The following PPM1L variants were observed in gnomAD, a reference collection of about 807,000 sequenced individuals.
PPM1L encodes protein phosphatase, Mg2+/Mn2+ dependent 1L.
Under a neutral mutation model 31.4 loss-of-function variants are expected in PPM1L, and 13 were observed. The ratio of observed to expected loss-of-function variants is 0.41; its 90% CI spans 0.27 to 0.66. The LOEUF is 0.66. PPM1L is among the 30% of genes least tolerant of loss of function. The probability of loss-of-function intolerance (pLI) is 0.29; values close to 1 mark genes in which losing one functional copy is unlikely to be tolerated. For missense variants in PPM1L, 326 were observed against 453.7 expected (o/e 0.72, Z 2.56); for synonymous variants, 184 against 175.4 (o/e 1.05, Z -0.39).
At chr3:161,018,524 A>T (rs1392546017) in intron 2 of PPM1L, among the ~76,000 whole-genome samples, 1 of 152,176 alleles carries the variant, frequency 6.6e-6, no homozygotes, top group African/African-American at 2.4e-5. Context: ...GATGATAAAG[A>T]TCATTTAATT....
intron 2 of PPM1L, among the ~76,000 whole-genome samples, chr3:161,038,770 C>T (rs1718827484): frequency 6.6e-6 from 1 of 152,040 alleles, no homozygotes. Context: ...GGCATGTGAA[C>T]CAGAGCAACT....
chr3:161,025,079 G>A (rs374160199), intron 2 of PPM1L, among the ~76,000 whole-genome samples: 60 of 152,174 alleles, frequency 3.9e-4, no homozygotes, highest in African/African-American at 1.3e-3. Flanking sequence ...TCATAGTTTC[G>A]TGGAAGAGCA....
At chr3:160,984,078 A>G (rs12487156) in intron 2 of PPM1L, among the ~76,000 whole-genome samples, 11,023 of 152,186 alleles carry the variant, frequency 0.072, 597 homozygotes, top group African/African-American at 0.13. Flanking sequence ...CCAGAGTTCA[A>G]GAGCAGAGAA....
intron 2 of PPM1L, among the ~76,000 whole-genome samples, chr3:161,062,376 G>A (rs561391174): frequency 1.2e-4 from 18 of 152,142 alleles, no homozygotes; most frequent in African/African-American, 2.7e-4. Context: ...GCCAGCAGGC[G>A]GATCACTTGA....
intron 1 of PPM1L, among the ~76,000 whole-genome samples, chr3:160,851,707 G>A (rs185188821): frequency 3.9e-4 from 60 of 152,210 alleles, no homozygotes; most frequent in African/African-American, 1.3e-3. Context: ...CTTAGTAGGG[G>A]CATTAGTTAT....
chr3:160,899,775 A>G (rs188239093), intron 1 of PPM1L, among the ~76,000 whole-genome samples: 3 of 152,168 alleles, frequency 2.0e-5, no homozygotes, highest in African/African-American at 4.8e-5. Flanking sequence ...AAGGTTTTCT[A>G]TGTGGCCTGT....
intron 3 of PPM1L, among the ~76,000 whole-genome samples, chr3:161,066,054 C>T (rs1409538997): frequency 6.6e-6 from 1 of 152,252 alleles, no homozygotes; most frequent in Non-Finnish European, 1.5e-5. Context: ...TCTGCCTTTC[C>T]CCAGCATCCT....
chr3:160,786,179 GTGTGTGTGTA>G (rs1488834902), intron 1 of PPM1L, among the ~76,000 whole-genome samples: 8 of 70,942 alleles, frequency 1.1e-4, no homozygotes, highest in African/African-American at 7.2e-4. Flanking sequence ...GTGTGTGTGT[GTGTGTGTGTA>G]TATATATATA....
chr3:160,971,111 G>C (rs1008488065), intron 2 of PPM1L, among the ~76,000 whole-genome samples: 1 of 152,160 alleles, frequency 6.6e-6, no homozygotes, highest in Non-Finnish European at 1.5e-5. Flanking sequence ...CTACAAAATA[G>C]AAAACTATTG....
At chr3:160,777,111 C>T (rs575163356) in intron 1 of PPM1L, among the ~76,000 whole-genome samples, 272 of 151,850 alleles carry the variant, frequency 1.8e-3, no homozygotes, top group African/African-American at 5.9e-3. Context: ...TTGCTTGAAG[C>T]CAGGAGTTCA....
At chr3:160,832,001 A>G (rs1226495547) in intron 1 of PPM1L, among the ~76,000 whole-genome samples, 3 of 152,200 alleles carry the variant, frequency 2.0e-5, no homozygotes, top group African/African-American at 7.2e-5. Context: ...AGTTTGGAAT[A>G]TAGTATTTTC....
intron 2 of PPM1L, among the ~76,000 whole-genome samples, chr3:160,992,762 T>C (rs1223154201): frequency 5.3e-5 from 8 of 152,194 alleles, no homozygotes; most frequent in Non-Finnish European, 1.0e-4. Flanking sequence ...TTTGATCCAG[T>C]TTGGATCACA....
At chr3:160,873,650 C>T (rs549896721) in intron 1 of PPM1L, among the ~76,000 whole-genome samples, 1 of 152,128 alleles carries the variant, frequency 6.6e-6, no homozygotes, top group East Asian at 1.9e-4. Context: ...CGGGTTCAAG[C>T]AATTCTCCTG....
intron 1 of PPM1L, among the ~76,000 whole-genome samples, chr3:160,842,858 T>C (rs1318422488): frequency 2.6e-5 from 4 of 152,192 alleles, no homozygotes; most frequent in African/African-American, 9.7e-5. Context: ...ATTAAGCACT[T>C]TGAGACAGAA....
chr3:160,879,399 C>G (rs1049580401), intron 1 of PPM1L, among the ~76,000 whole-genome samples: 1 of 152,044 alleles, frequency 6.6e-6, no homozygotes, highest in Non-Finnish European at 1.5e-5. Context: ...GGAATAGATA[C>G]CTCAAGTGGA....
At chr3:160,826,223 T>C (rs1266466024) in intron 1 of PPM1L, among the ~76,000 whole-genome samples, 1 of 152,148 alleles carries the variant, frequency 6.6e-6, no homozygotes, top group Non-Finnish European at 1.5e-5. Context: ...AAGGCTTTCA[T>C]GATAGACATT....
At chr3:160,814,454 G>A (rs1712902278) in intron 1 of PPM1L, among the ~76,000 whole-genome samples, 1 of 151,266 alleles carries the variant, frequency 6.6e-6, no homozygotes, top group Non-Finnish European at 1.5e-5. Flanking sequence ...TCAACGAGTG[G>A]ATGAAGATGA....
At chr3:160,955,653 T>A (rs186143547) in intron 1 of PPM1L, among the ~76,000 whole-genome samples, 1,883 of 129,338 alleles carry the variant, frequency 0.015, 40 homozygotes, top group African/African-American at 0.056. Flanking sequence ...TAACAAGTTT[T>A]CTTTTTTTTT....
rs1423481656 is a variant in PPM1L, at chr3:161,076,280, T to C, written c.*7123T>C. 1 of 152,214 alleles carries C rather than the reference T, an allele frequency of 6.6e-6. No individual in the cohort carries two copies. The highest frequency in any genetic ancestry group is 1.5e-5 in the Non-Finnish European group (1 of 68,030). 9.4% of individuals were successfully genotyped at this position (152,214 alleles called of 1,614,324 possible). A position where few individuals can be genotyped will look rare whatever the true frequency, so the allele number is the denominator to read the frequency against. On this transcript the variant is annotated 3_prime_UTR_variant, in exon 4 of 4. Transcript: ENST00000498165. ...GACAAATGATGACTTCTTCGTGTAGTAATGAAAACGTCTAAATCCTGCTCT... is the reference window on the plus strand; with the variant it reads ...GACAAATGATGACTTCTTCGTGTAGCAATGAAAACGTCTAAATCCTGCTCT...
Sources: allele counts gnomAD v4.1 joint callset (sites outside exome capture counted in the v4.1 genomes callset), GRCh38; gene constraint gnomAD v4.1.1; transcripts MANE v1.5; gene names NCBI Gene and HGNC (gene_info 2026-07-23, HGNC 2026-07-21).